Variants in NAA25 observed in about 807,000 individuals in gnomAD.
The protein encoded by NAA25 is N-terminal acetyltransferase B complex subunit NAA25.
NAA25 carries 30 observed loss-of-function variants against 132.5 expected under a neutral mutation model. The observed-to-expected ratio is 0.23, with a 90% CI of 0.17 to 0.31. The LOEUF (loss-of-function observed/expected upper bound fraction) is 0.31. Among genes scored for constraint, NAA25 ranks in the 10% least tolerant of loss-of-function variants. The probability of loss-of-function intolerance (pLI) is 1.00; values close to 1 mark genes in which losing one functional copy is unlikely to be tolerated. For missense variants in NAA25, 771 were observed against 1,150.4 expected (o/e 0.67, Z 4.77); for synonymous variants, 359 against 401.9 (o/e 0.89, Z 1.28).
chr12:112,086,298 C>T (rs954580091), intron 4 of NAA25, among the ~76,000 whole-genome samples: 8 of 151,462 alleles, frequency 5.3e-5, no homozygotes, highest in African/African-American at 1.9e-4. Flanking sequence ...GAATTTGAGA[C>T]CAGCCTGGCC....
intron 5 of NAA25, among the ~76,000 whole-genome samples, chr12:112,079,165 C>T (rs1233993787): frequency 1.3e-5 from 2 of 152,102 alleles, no homozygotes; most frequent in Non-Finnish European, 2.9e-5. Flanking sequence ...TAGCTAGTTA[C>T]CTTAAATTGG....
chr12:112,075,582 G>T, intron 8 of NAA25, 96 bp downstream of exon 8: 2 of 974,248 alleles, frequency 2.1e-6, no homozygotes, highest in South Asian at 1.5e-5. Flanking sequence ...AAGACTTTAT[G>T]CCCAGAAACT....
rs1287895708 is a variant in NAA25, at chr12:112,060,262, C to T, written c.1447+8G>A. The T allele has an allele frequency of 3.8e-6, 6 of 1,594,622 alleles. No homozygotes were observed. The highest frequency in any genetic ancestry group is 2.2e-5 in the South Asian group (2 of 89,496). ...AAGTAAAGTTGAACTGAAATCACTG[C>T]TACTTACCTGTTTCCCTCCATACAT... On this transcript the variant is annotated splice_region_variant and intron_variant, in intron 13 of 23. Coordinates refer to ENST00000261745, the MANE Select transcript of NAA25 (RefSeq NM_024953.4).
At chr12:112,041,094 T>C (rs947918981) in intron 20 of NAA25, among the ~76,000 whole-genome samples, 3 of 151,876 alleles carry the variant, frequency 2.0e-5, no homozygotes, top group East Asian at 1.9e-4. Flanking sequence ...GGTAGAAGGA[T>C]TGCTTCAGCC....
At chr12:112,038,266 G>A (rs1248328677) in intron 22 of NAA25, among the ~76,000 whole-genome samples, 2 of 152,040 alleles carry the variant, frequency 1.3e-5, no homozygotes, top group Admixed American at 6.6e-5. Context: ...TGCCCGTCTC[G>A]GCCTCCCAAA....
intron 13 of NAA25, among the ~76,000 whole-genome samples, chr12:112,057,052 G>C (rs2078556787): frequency 6.6e-6 from 1 of 152,094 alleles, no homozygotes; most frequent in African/African-American, 2.4e-5. Flanking sequence ...GCCAGGCGTG[G>C]TGGTGCGCGC....
chr12:112,081,027 A>C, intron 5 of NAA25, 33 bp downstream of exon 5: 1 of 1,554,320 alleles, frequency 6.4e-7, no homozygotes, highest in Non-Finnish European at 8.9e-7. Context: ...AAATAAAACC[A>C]AACCTCAATC....
intron 1 of NAA25, among the ~76,000 whole-genome samples, chr12:112,104,842 A>AC (rs926500363): frequency 2.0e-5 from 3 of 151,140 alleles, no homozygotes; most frequent in Non-Finnish European, 4.4e-5. Flanking sequence ...TCTCAAAAAA[A>AC]AAAACAAAAC....
chr12:112,078,122 A>T, intron 7 of NAA25, 66 bp downstream of exon 7: 1 of 1,152,938 alleles, frequency 8.7e-7, no homozygotes, highest in Non-Finnish European at 1.3e-6. Flanking sequence ...GAAATTTTCT[A>T]CAATAAACAT....
intron 13 of NAA25, among the ~76,000 whole-genome samples, chr12:112,058,684 G>A (rs544114267): frequency 3.3e-5 from 5 of 152,148 alleles, no homozygotes; most frequent in Non-Finnish European, 7.3e-5. Context: ...AGCACTTTGG[G>A]AGGCCGCGGC....
At chr12:112,045,465 C>T (rs568977479) in intron 17 of NAA25, among the ~76,000 whole-genome samples, 10 of 141,910 alleles carry the variant, frequency 7.0e-5, no homozygotes, top group Admixed American at 2.3e-4. Context: ...CCAGCCTGGA[C>T]GACAGAGTGA....
At chr12:112,033,197 TG>T (rs1221161459) in intron 23 of NAA25, 35 bp downstream of exon 23, 6 of 1,571,050 alleles carry the variant, frequency 3.8e-6, no homozygotes, top group Non-Finnish European at 5.2e-6. Context: ...TTTGTGTGTG[TG>T]TAGAAAACAT....
Position 112,043,887 on chromosome 12 carries a change from CA to C in NAA25, c.2007-20del. On this transcript the variant is annotated intron_variant, in intron 17 of 23. Coordinates refer to ENST00000261745, the MANE Select transcript of NAA25 (RefSeq NM_024953.4). ...AACGTCCCTTAAACAGAAACATCCC[CA>C]AATTATCTAACTTATTCAATATTCA... 6.2e-7 allele frequency: 1 copy of C among 1,603,014 alleles called. No individual in the cohort carries two copies. The highest frequency in any genetic ancestry group is 8.5e-7 in the Non-Finnish European group (1 of 1,172,468).
chr12:112,084,930 C>T (rs977108979), intron 4 of NAA25, among the ~76,000 whole-genome samples: 4 of 150,476 alleles, frequency 2.7e-5, no homozygotes, highest in African/African-American at 9.8e-5. Flanking sequence ...AACCCCATCT[C>T]TATTAAAAAT....
intron 7 of NAA25, among the ~76,000 whole-genome samples, chr12:112,077,101 T>C (rs1453800581): frequency 1.3e-5 from 2 of 152,046 alleles, no homozygotes; most frequent in African/African-American, 2.4e-5. Flanking sequence ...TGTGGAACAC[T>C]GGACAGTTAT....
rs1203521908 is a variant in NAA25, at chr12:112,053,676, A to AG, written c.1629-20dup. On this transcript the variant is annotated intron_variant, in intron 14 of 23. Coordinates refer to ENST00000261745, the MANE Select transcript of NAA25 (RefSeq NM_024953.4). ...AAGATAACTAGATCAGAAGGAAAGA[A>AG]GGAAAAAAAAAGACATGTTATACTT... 7.0e-6 allele frequency: 11 copies of AG among 1,563,040 alleles called. No homozygotes were observed. The highest frequency in any genetic ancestry group is 9.6e-6 in the Non-Finnish European group (11 of 1,140,946).
chr12:112,039,388 T>C (rs1370113331), intron 21 of NAA25, 49 bp from the exon 22 acceptor site: 4 of 1,122,308 alleles, frequency 3.6e-6, no homozygotes, highest in Non-Finnish European at 5.3e-6. Flanking sequence ...ACTAAAAATA[T>C]CTATCAGGAA....
chr12:112,105,377 C>A (rs527406122), intron 1 of NAA25, among the ~76,000 whole-genome samples: 4 of 152,192 alleles, frequency 2.6e-5, no homozygotes, highest in Admixed American at 2.6e-4. Context: ...CTGGGAACTA[C>A]GTAGCAAAAG....
intron 2 of NAA25, among the ~76,000 whole-genome samples, chr12:112,091,622 G>A (rs1024049520): frequency 1.3e-5 from 2 of 152,050 alleles, no homozygotes; most frequent in South Asian, 2.1e-4. Context: ...GAGTCCGGGG[G>A]GTCAAAGCTG....
Sources: gnomAD v4.1 joint callset for allele counts (sites outside exome capture counted in the v4.1 genomes callset) on GRCh38, gnomAD v4.1.1 for gene constraint, MANE v1.5 for transcripts, NCBI Gene and HGNC (gene_info 2026-07-23, HGNC 2026-07-21) for gene names.